TENM2: variants seen among roughly 807,000 people sequenced by gnomAD.
The protein encoded by TENM2 is teneurin transmembrane protein 2, also known as teneurin-2.
In TENM2, 52 loss-of-function variants were observed where a neutral mutation model predicts 245.2. That is an observed-to-expected ratio of 0.21 (90% CI 0.17 to 0.27). The LOEUF is 0.27. Among genes scored for constraint, TENM2 ranks in the 10% least tolerant of loss-of-function variants. The pLI, the probability that TENM2 is intolerant of heterozygous loss-of-function variation, is 1.00. For synonymous variants in TENM2, 1,363 were observed against 1,438.9 expected (o/e 0.95, Z 1.19); for missense variants, 3,046 against 3,666.8 (o/e 0.83, Z 4.37).
intron 7 of TENM2, 41 bp downstream of exon 9, chr5:168,062,306 T>C (rs780771364): frequency 3.2e-5 from 48 of 1,512,682 alleles, no homozygotes; most frequent in Non-Finnish European, 4.2e-5. Context: ...TAAAAAAATA[T>C]ATACGTATAT....
intron 1 of TENM2, among the ~76,000 whole-genome samples, chr5:167,289,152 G>A (rs944967397): frequency 3.9e-5 from 6 of 152,194 alleles, no homozygotes; most frequent in African/African-American, 1.2e-4. Flanking sequence ...CGTTTCGACT[G>A]TAGGGATGTG....
intron 2 of TENM2, among the ~76,000 whole-genome samples, chr5:167,586,527 G>A (rs944574984): frequency 1.5e-4 from 23 of 152,182 alleles, no homozygotes; most frequent in Non-Finnish European, 1.0e-4. Context: ...GATGGTAGCA[G>A]ACTGTTCATT....
intron 5 of TENM2, among the ~76,000 whole-genome samples, chr5:168,027,420 A>G (rs935795828): frequency 6.6e-6 from 1 of 152,170 alleles, no homozygotes; most frequent in African/African-American, 2.4e-5. Context: ...TTCAGGCATC[A>G]TAGCTTCTGC....
intron 2 of TENM2, among the ~76,000 whole-genome samples, chr5:167,437,839 C>CCATGATTGTGAGGCCT (rs1415975477): frequency 1.3e-5 from 2 of 152,168 alleles, no homozygotes; most frequent in African/African-American, 4.8e-5. Context: ...TCACCTTCAG[C>CCATGATTGTGAGGCCT]CATGATTGTG....
rs867780073 is a variant in TENM2, at chr5:167,458,008, G to A, written c.502+82535G>A. On this transcript the variant is annotated intron_variant, in intron 2 of 28. Coordinates refer to ENST00000518659, the Ensembl canonical transcript of TENM2. ...AGGCAACTTGATTTTTTTTTAATAC[G>A]ACATTTTACTAATTGTCTTAGACTT... 1.6e-4 allele frequency among the ~76,000 whole-genome samples: 25 copies of A among 151,856 alleles called. 1 individual carries two copies. The highest frequency in any genetic ancestry group is 4.6e-4 in the Admixed American group (7 of 15,240).
chr5:167,571,935 G>A (rs577905417), intron 2 of TENM2, among the ~76,000 whole-genome samples: 2 of 152,300 alleles, frequency 1.3e-5, no homozygotes, highest in Admixed American at 6.5e-5. Flanking sequence ...AGAGATTTCC[G>A]GATTTCCCAG....
Position 167,445,332 on chromosome 5 carries a change from T to TAGAGAGAGAGAGAGAGAGAG in TENM2, c.502+69860_502+69861insGAGAGAGAGAGAGAGAGAGA, listed in dbSNP as rs71591182. On this transcript the variant is annotated intron_variant, in intron 2 of 28. Coordinates refer to ENST00000518659, the Ensembl canonical transcript of TENM2. ...ATGATTATATATATATATATATATA[T>TAGAGAGAGAGAGAGAGAGAG]ATATAGAGAGAGAGAGAGAGAGAGA... Among the ~76,000 whole-genome samples the TAGAGAGAGAGAGAGAGAGAG allele has an allele frequency of 1.3e-3, 102 of 76,968 alleles. 1 individual carries two copies. Among genetic ancestry groups the TAGAGAGAGAGAGAGAGAGAG allele is most frequent in the Non-Finnish European group, 2.2e-3 (89 of 40,540 alleles). 50.5% of individuals were successfully genotyped at this position (76,968 alleles called of 152,430 possible).
At chr5:167,507,962 A>G (rs1335520184) in intron 2 of TENM2, among the ~76,000 whole-genome samples, 1 of 152,064 alleles carries the variant, frequency 6.6e-6, no homozygotes, top group African/African-American at 2.4e-5. Flanking sequence ...TAGTTCACAA[A>G]TGATTAGCGG....
chr5:167,095,876 T>C, the TENM2 span, among the ~76,000 whole-genome samples: 3 of 151,822 alleles, frequency 2.0e-5, no homozygotes, highest in Non-Finnish European at 4.4e-5. Context: ...GTTCAAGTGA[T>C]TCTCCTGCCT....
chr5:167,689,218 G>T (rs1757268267), intron 2 of TENM2, among the ~76,000 whole-genome samples: 1 of 152,208 alleles, frequency 6.6e-6, no homozygotes, highest in Non-Finnish European at 1.5e-5. Flanking sequence ...TGAAGGGAGA[G>T]TGGGAAGGAA....
At chr5:167,137,636 G>C in the TENM2 span, among the ~76,000 whole-genome samples, 1 of 152,112 alleles carries the variant, frequency 6.6e-6, no homozygotes, top group Non-Finnish European at 1.5e-5. Flanking sequence ...AATATATCAA[G>C]AGTAGGGGAA....
intron 9 of TENM2, among the ~76,000 whole-genome samples, chr5:168,101,354 T>G (rs1031423356): frequency 2.0e-5 from 3 of 152,180 alleles, no homozygotes; most frequent in African/African-American, 7.2e-5. Context: ...GATGTATTAT[T>G]AATCCTAAAA....
intron 3 of TENM2, among the ~76,000 whole-genome samples, chr5:167,946,314 G>T (rs545963621): frequency 6.6e-6 from 1 of 152,210 alleles, no homozygotes; most frequent in Admixed American, 6.5e-5. Flanking sequence ...GCCCCTGACA[G>T]GCCTAATTGC....
intron 2 of TENM2, among the ~76,000 whole-genome samples, chr5:167,407,599 C>A (rs970923622): frequency 1.3e-5 from 2 of 152,150 alleles, no homozygotes; most frequent in African/African-American, 4.8e-5. Flanking sequence ...GGGCAGATCA[C>A]CTGAGGTCAG....
the TENM2 span, among the ~76,000 whole-genome samples, chr5:167,132,662 G>A: frequency 2.1e-4 from 32 of 152,246 alleles, no homozygotes; most frequent in Middle Eastern, 3.4e-3. Context: ...CTAACAAGGT[G>A]CTCAAAATAT....
At position 167,624,540 on chromosome 5, in the gene TENM2, A is replaced by G. The variant is rs146242228; in HGVS notation, c.502+249067A>G. ...CAGTATACCCTTATAACAAACCTGC[A>G]CACGTACCTGAATCAAAAACAAAAG... On this transcript the variant is annotated intron_variant, in intron 2 of 28. Transcript: ENST00000518659. Among the ~76,000 whole-genome samples the G allele has an allele frequency of 3.6e-3, 545 of 152,288 alleles. 2 individuals are homozygous for G. The highest frequency in any genetic ancestry group is 8.6e-3 in the Admixed American group (131 of 15,288).
At chr5:167,507,738 C>T (rs1282942862) in intron 2 of TENM2, among the ~76,000 whole-genome samples, 1 of 152,038 alleles carries the variant, frequency 6.6e-6, no homozygotes, top group Non-Finnish European at 1.5e-5. Context: ...TACCAGGTTG[C>T]TGTGTATGGG....
chr5:167,183,153 T>C, the TENM2 span, among the ~76,000 whole-genome samples: 9 of 152,122 alleles, frequency 5.9e-5, no homozygotes, highest in Non-Finnish European at 8.8e-5. Flanking sequence ...TTTATACCTC[T>C]CATTCACGCA....
chr5:167,180,003 T>C, the TENM2 span, among the ~76,000 whole-genome samples: 1 of 151,984 alleles, frequency 6.6e-6, no homozygotes, highest in Non-Finnish European at 1.5e-5. Context: ...GGAGCCAACT[T>C]GGGCCAAGGC....
Sources: allele counts gnomAD v4.1 joint callset (sites outside exome capture counted in the v4.1 genomes callset), GRCh38; gene constraint gnomAD v4.1.1; transcripts MANE v1.5; gene names NCBI Gene and HGNC (gene_info 2026-07-23, HGNC 2026-07-21).